GUSB: variants seen among roughly 807,000 people sequenced by gnomAD.
GUSB encodes beta-glucuronidase.
In GUSB, 51 loss-of-function variants were observed where a neutral mutation model predicts 74.6. The ratio of observed to expected loss-of-function variants is 0.68; its 90% CI spans 0.55 to 0.86. The LOEUF (loss-of-function observed/expected upper bound fraction) is 0.86, where lower values mean the gene tolerates loss of function less well. Among genes scored for constraint, GUSB ranks in the 40% least tolerant of loss-of-function variants. GUSB has a pLI of 0.00. For missense variants in GUSB, 736 were observed against 853.7 expected (o/e 0.86, Z 1.72); for synonymous variants, 360 against 348.3 (o/e 1.03, Z -0.37).
Position 65,965,981 on chromosome 7 carries a change from A to G in GUSB, c.1654-1523T>C, listed in dbSNP as rs1048704523. 1.4e-4 allele frequency among the ~76,000 whole-genome samples: 22 copies of G among 152,156 alleles called. 1 individual carries two copies. Among genetic ancestry groups the G allele is most frequent in the Admixed American group, 1.1e-3 (17 of 15,286 alleles). ...AGGTCAGGAGTTCAAGACCAGCCTG[A>G]CCAACATGGTGAAACCTCATCTCTA... On this transcript the variant is annotated intron_variant, in intron 10 of 11. Coordinates refer to ENST00000304895, the MANE Select transcript of GUSB (RefSeq NM_000181.4).
chr7:65,980,566 C>A, intron 1 of GUSB, 157 bp from the exon 2 acceptor site: 1 of 705,442 alleles, frequency 1.4e-6, no homozygotes, highest in South Asian at 1.7e-5. Context: ...AGGTCAACTG[C>A]CAGGGCGATC....
At chr7:65,974,219 G>C in intron 8 of GUSB, 76 bp downstream of exon 8, 1 of 1,438,690 alleles carries the variant, frequency 7.0e-7, no homozygotes, top group Non-Finnish European at 9.8e-7. Flanking sequence ...ATCTTGAACA[G>C]CACATGCCCA....
intron 4 of GUSB, 147 bp from the exon 5 acceptor site, chr7:65,976,349 G>T: frequency 3.1e-6 from 2 of 645,852 alleles, no homozygotes; most frequent in Non-Finnish European, 5.4e-6. Context: ...TTTTTGAGAC[G>T]GAGTCTCACT....
chr7:65,977,130 G>A (rs1232422890), intron 4 of GUSB, among the ~76,000 whole-genome samples: 1 of 152,052 alleles, frequency 6.6e-6, no homozygotes. Flanking sequence ...ATCCTTACGA[G>A]CAGCCTGTCC....
At chr7:65,980,075 CT>C (rs754692766) in intron 2 of GUSB, 148 bp downstream of exon 2, 14 of 959,420 alleles carry the variant, frequency 1.5e-5, no homozygotes, top group Non-Finnish European at 2.1e-5. Context: ...ACCTATCCCC[CT>C]ATACAGGGCA....
intron 5 of GUSB, 167 bp downstream of exon 5, chr7:65,975,848 C>CAA (rs112120049): frequency 3.8e-3 from 1,666 of 435,470 alleles, no homozygotes; most frequent in Admixed American, 8.0e-3. Flanking sequence ...GAGACCATCT[C>CAA]AAAAAAAAAA....
intron 5 of GUSB, 143 bp from the exon 6 acceptor site, chr7:65,975,214 C>T (rs1210307626): frequency 2.7e-6 from 2 of 736,236 alleles, no homozygotes; most frequent in Non-Finnish European, 4.7e-6. Context: ...AGGTTCTGCC[C>T]TACCCTGGCT....
intron 6 of GUSB, 84 bp from the exon 7 acceptor site, chr7:65,974,788 A>G: frequency 6.4e-7 from 1 of 1,555,544 alleles, no homozygotes; most frequent in Non-Finnish European, 8.9e-7. Context: ...GAGCCACCCC[A>G]TGAGCCCCCT....
intron 8 of GUSB, among the ~76,000 whole-genome samples, chr7:65,974,073 G>C (rs1214777603): frequency 6.6e-6 from 1 of 151,942 alleles, no homozygotes; most frequent in Non-Finnish European, 1.5e-5. Context: ...CTCCAGCCTG[G>C]GCCATATAGT....
In GUSB at chr7:65,974,968, T is replaced by C. The variant is rs1791469915; in HGVS notation, c.1016A>G (p.Asn339Ser). The C allele has an allele frequency of 1.2e-6, 2 of 1,613,860 alleles. No individual in the cohort carries two copies. The highest frequency in any genetic ancestry group is 1.7e-5 in the Admixed American group (1 of 60,006). Residue 339 changes from asparagine (N) to serine (S), a missense_variant, in exon 6 of 12, where the codon AAT (asparagine) becomes AGT (serine). Around this residue, in one of 2 missense-constraint regions of GUSB, gnomAD observed 368 missense variants for 489.9 expected, o/e 0.75. Coordinates refer to ENST00000304895, the MANE Select transcript of GUSB (RefSeq NM_000181.4). Reference protein sequence around the residue: ...VAVTKSQFLINGKPFYFHGVN... With the variant: ...VAVTKSQFLISGKPFYFHGVN... ...ACCGTGGAAATAGAAAGGTTTCCCA[T>C]TGATGAGGAACTGGCTCTTGGTGAC... is the stretch of plus-strand genomic sequence containing the variant.
chr7:65,978,770 CA>C (rs1425691894), intron 4 of GUSB, among the ~76,000 whole-genome samples: 230 of 133,402 alleles, frequency 1.7e-3, no homozygotes, highest in Admixed American at 1.7e-3. Flanking sequence ...GACTCCAGCT[CA>C]AAAAAAAAAA....
intron 9 of GUSB, among the ~76,000 whole-genome samples, chr7:65,969,589 C>T (rs983747759): frequency 6.6e-6 from 1 of 151,874 alleles, no homozygotes; most frequent in Non-Finnish European, 1.5e-5. Flanking sequence ...CCCAGCTACT[C>T]GGGAGGCTGA....
chr7:65,971,999 A>G (rs960430051), intron 8 of GUSB, among the ~76,000 whole-genome samples: 9 of 151,972 alleles, frequency 5.9e-5, no homozygotes, highest in African/African-American at 2.2e-4. Flanking sequence ...AGATTGTGCC[A>G]TTGCACTCCA....
At chr7:65,967,314 C>T (rs1562674722) in intron 10 of GUSB, among the ~76,000 whole-genome samples, 1 of 152,088 alleles carries the variant, frequency 6.6e-6, no homozygotes. Context: ...ATTAGCCAGG[C>T]GTGTTGGCAT....
chr7:65,963,887 C>T (rs1010431948), intron 11 of GUSB, among the ~76,000 whole-genome samples: 1 of 152,172 alleles, frequency 6.6e-6, no homozygotes, highest in African/African-American at 2.4e-5. Flanking sequence ...TGCGTTGAAA[C>T]TCACCTGTAT....
intron 10 of GUSB, 120 bp downstream of exon 10, chr7:65,967,611 G>A (rs1790921522): frequency 1.2e-6 from 1 of 854,066 alleles, no homozygotes; most frequent in East Asian, 2.5e-5. Flanking sequence ...CGGGGCCGTG[G>A]GAGGAGAGCC....
chr7:65,980,489 G>T, intron 1 of GUSB, 80 bp from the exon 2 acceptor site: 1 of 1,296,944 alleles, frequency 7.7e-7, no homozygotes, highest in Non-Finnish European at 1.1e-6. Context: ...TGTGCCCCCA[G>T]GCCTAGCACA....
At chr7:65,975,972 G>C (rs767091449) in intron 5 of GUSB, 43 bp downstream of exon 5, 1 of 1,560,308 alleles carries the variant, frequency 6.4e-7, no homozygotes, top group Non-Finnish European at 8.8e-7. Flanking sequence ...TCACCACATG[G>C]GGGCAAAAGA....
chr7:65,971,256 G>C (rs1490512351), intron 8 of GUSB, among the ~76,000 whole-genome samples: 1 of 152,196 alleles, frequency 6.6e-6, no homozygotes, highest in East Asian at 1.9e-4. Flanking sequence ...GCTCAGCAGT[G>C]ACTCAAATCT....
Sources: gnomAD v4.1 joint callset for allele counts (sites outside exome capture counted in the v4.1 genomes callset) on GRCh38, gnomAD v4.1.1 for gene constraint, gnomAD v4.1.1 regional missense constraint, MANE v1.5 for transcripts, NCBI Gene and HGNC (gene_info 2026-07-23, HGNC 2026-07-21) for gene names.